The following LOC128125818 variants were observed in gnomAD, a reference collection of about 807,000 sequenced individuals.
chr4:6,069,711 C>A, the LOC128125818 span, among the ~76,000 whole-genome samples: 2 of 151,080 alleles, frequency 1.3e-5, no homozygotes, highest in South Asian at 4.2e-4. The surrounding 1 kb of genome is among the most constrained non-coding windows in gnomAD (Gnocchi z 4.5). Flanking sequence ...TGTGATTGTG[C>A]CTCTGCACTC....
the LOC128125818 span, among the ~76,000 whole-genome samples, chr4:6,068,530 A>G: frequency 6.8e-6 from 1 of 147,996 alleles, no homozygotes; most frequent in African/African-American, 2.5e-5. Context: ...TCAGGTTTTT[A>G]TGCTGGGTAT....
At chr4:6,068,822 G>A in the LOC128125818 span, among the ~76,000 whole-genome samples, 3 of 151,990 alleles carry the variant, frequency 2.0e-5, no homozygotes, top group South Asian at 4.1e-4. Flanking sequence ...CGTCTACCTC[G>A]ACCTCCCAAA....
At chr4:6,069,872 G>A in the LOC128125818 span, among the ~76,000 whole-genome samples, 611 of 152,242 alleles carry the variant, frequency 4.0e-3, 4 homozygotes, top group African/African-American at 0.014. This position sits in a 1 kb window ranked among gnomAD's most constrained non-coding sequence, Gnocchi z 4.5. Context: ...GAAGCAGAGG[G>A]AAAAAGAGGA....
the LOC128125818 span, among the ~76,000 whole-genome samples, chr4:6,069,852 C>A: frequency 1.3e-5 from 2 of 152,048 alleles, no homozygotes; most frequent in African/African-American, 2.4e-5. This position sits in a 1 kb window ranked among gnomAD's most constrained non-coding sequence, Gnocchi z 4.5. Flanking sequence ...TCTTCCTCAG[C>A]GGGTCAGATG....
chr4:6,066,321 C>A, the LOC128125818 span, among the ~76,000 whole-genome samples: 2 of 152,172 alleles, frequency 1.3e-5, no homozygotes, highest in Non-Finnish European at 1.5e-5. Context: ...TGCAGGGACA[C>A]CCTTGTCACC....
At chr4:6,065,107 G>A in the LOC128125818 span, 3 of 1,454,932 alleles carry the variant, frequency 2.1e-6, no homozygotes, top group Non-Finnish European at 2.9e-6. This position sits in a 1 kb window ranked among gnomAD's most constrained non-coding sequence, Gnocchi z 5.1. Context: ...GGTGATGATT[G>A]ACATTTGGGC....
the LOC128125818 span, chr4:6,070,144 CAA>C: frequency 5.0e-6 from 2 of 398,728 alleles, no homozygotes; most frequent in Non-Finnish European, 8.8e-6. Context: ...AAGTACAGCA[CAA>C]AGAGGACATA....
At chr4:6,065,134 G>T in the LOC128125818 span, 1 of 1,196,122 alleles carries the variant, frequency 8.4e-7, no homozygotes, top group Non-Finnish European at 1.2e-6. The surrounding 1 kb of genome is among the most constrained non-coding windows in gnomAD (Gnocchi z 5.1). Context: ...GGCATCACAA[G>T]ATGCGGTTGG....
the LOC128125818 span, among the ~76,000 whole-genome samples, chr4:6,066,994 T>C: frequency 6.6e-6 from 1 of 152,054 alleles, no homozygotes; most frequent in Non-Finnish European, 1.5e-5. Flanking sequence ...TTCCCTTAGG[T>C]CTCTGCACAA....
At chr4:6,069,331 A>G in the LOC128125818 span, among the ~76,000 whole-genome samples, 1 of 152,224 alleles carries the variant, frequency 6.6e-6, no homozygotes, top group East Asian at 1.9e-4. This position sits in a 1 kb window ranked among gnomAD's most constrained non-coding sequence, Gnocchi z 4.5. Context: ...AAAAATGTCC[A>G]CCATTTGCTC....
chr4:6,067,777 CACTCA>C, the LOC128125818 span, among the ~76,000 whole-genome samples: 14 of 146,532 alleles, frequency 9.6e-5, no homozygotes, highest in African/African-American at 3.4e-4. This position sits in a 1 kb window ranked among gnomAD's most constrained non-coding sequence, Gnocchi z 4.6. Context: ...GCTCCACGTT[CACTCA>C]AGCTCTTCTG....
At chr4:6,066,985 T>C in the LOC128125818 span, among the ~76,000 whole-genome samples, 6 of 152,156 alleles carry the variant, frequency 3.9e-5, no homozygotes, top group South Asian at 1.0e-3. Context: ...TTCCCTAGAT[T>C]CCCTTAGGTC....
the LOC128125818 span, among the ~76,000 whole-genome samples, chr4:6,069,696 T>C: frequency 6.7e-6 from 1 of 149,088 alleles, no homozygotes; most frequent in African/African-American, 2.5e-5. The surrounding 1 kb of genome is among the most constrained non-coding windows in gnomAD (Gnocchi z 4.5). Context: ...GGGGCTGCAG[T>C]GAGCTGTGAT....
At chr4:6,070,135 A>G in the LOC128125818 span, 1 of 398,888 alleles carries the variant, frequency 2.5e-6, no homozygotes, top group Admixed American at 4.4e-5. Flanking sequence ...AAGAAAGAGA[A>G]GTACAGCACA....
At chr4:6,065,747 C>A in the LOC128125818 span, among the ~76,000 whole-genome samples, 62 of 152,328 alleles carry the variant, frequency 4.1e-4, no homozygotes, top group Middle Eastern at 3.4e-3. This position sits in a 1 kb window ranked among gnomAD's most constrained non-coding sequence, Gnocchi z 5.1. Flanking sequence ...AGTTGCCCTG[C>A]TGGCACTTCT....
the LOC128125818 span, among the ~76,000 whole-genome samples, chr4:6,069,657 G>A: frequency 2.0e-5 from 3 of 151,882 alleles, no homozygotes; most frequent in African/African-American, 7.3e-5. This position sits in a 1 kb window ranked among gnomAD's most constrained non-coding sequence, Gnocchi z 4.5. Context: ...GGAGGCTGAG[G>A]TGGAAAGATT....
At chr4:6,065,473 A>C in the LOC128125818 span, among the ~76,000 whole-genome samples, 1 of 152,176 alleles carries the variant, frequency 6.6e-6, no homozygotes, top group African/African-American at 2.4e-5. The surrounding 1 kb of genome is among the most constrained non-coding windows in gnomAD (Gnocchi z 5.1). Flanking sequence ...TTCTAAGGAG[A>C]AGAACTGGAT....
At chr4:6,066,512 C>T in the LOC128125818 span, among the ~76,000 whole-genome samples, 9 of 152,228 alleles carry the variant, frequency 5.9e-5, no homozygotes, top group South Asian at 2.1e-4. Flanking sequence ...ACGTCAGCTG[C>T]GTCCTTTATG....
At chr4:6,065,357 A>G in the LOC128125818 span, among the ~76,000 whole-genome samples, 1 of 152,234 alleles carries the variant, frequency 6.6e-6, no homozygotes, top group African/African-American at 2.4e-5. This position sits in a 1 kb window ranked among gnomAD's most constrained non-coding sequence, Gnocchi z 5.1. Flanking sequence ...AAAGGGGGCC[A>G]TGCATGCCCT....
Sources: gnomAD v4.1 joint callset for allele counts (sites outside exome capture counted in the v4.1 genomes callset) on GRCh38, gnomAD v4.1.1 for gene constraint, Gnocchi (gnomAD v3.1) non-coding constraint, MANE v1.5 for transcripts.